Variants in VPS13B observed in about 807,000 individuals in gnomAD.
VPS13B encodes the protein vacuolar protein sorting 13 homolog B.
Under a neutral mutation model 426.4 loss-of-function variants are expected in VPS13B, and 285 were observed. The ratio of observed to expected loss-of-function variants is 0.67; its 90% CI spans 0.61 to 0.74. The LOEUF (loss-of-function observed/expected upper bound fraction) is 0.74. VPS13B is among the 30% of genes least tolerant of loss of function. VPS13B has a pLI of 0.00. For synonymous variants in VPS13B, 1,676 were observed against 1,676.4 expected (o/e 1.00, Z 0.01); for missense variants, 4,537 against 4,782.6 (o/e 0.95, Z 1.51).
intron 30 of VPS13B, chr8:99,527,826 G>T (rs1490151980): frequency 6.6e-6 from 1 of 151,920 alleles, no homozygotes; most frequent in Non-Finnish European, 1.5e-5. Context: ...TTAATAAATT[G>T]TCTGATCCAA....
At chr8:99,797,302 C>T (rs747038267) in intron 43 of VPS13B, among the ~76,000 whole-genome samples, 7 of 151,604 alleles carry the variant, frequency 4.6e-5, no homozygotes, top group Non-Finnish European at 7.4e-5. Flanking sequence ...TGCAGTGGCA[C>T]GTCCACAGCT....
At chr8:99,318,180 C>T (rs1351122246) in intron 19 of VPS13B, among the ~76,000 whole-genome samples, 1 of 152,144 alleles carries the variant, frequency 6.6e-6, no homozygotes, top group East Asian at 1.9e-4. Flanking sequence ...TATAAACAAC[C>T]AAAAGACTAT....
chr8:99,043,561 C>T (rs1414149597), intron 3 of VPS13B, among the ~76,000 whole-genome samples: 3 of 152,116 alleles, frequency 2.0e-5, no homozygotes, highest in East Asian at 1.9e-4. Flanking sequence ...ACAAATATCT[C>T]TTATTTTTTT....
chr8:99,532,411 CTT>C (rs1822979808), intron 30 of VPS13B, among the ~76,000 whole-genome samples: 5 of 152,070 alleles, frequency 3.3e-5, no homozygotes, highest in African/African-American at 9.7e-5. Context: ...TGAAAGACAT[CTT>C]TTATAAGTGA....
At chr8:99,024,291 C>CTCTT (rs1842036487) in intron 2 of VPS13B, among the ~76,000 whole-genome samples, 6 of 152,178 alleles carry the variant, frequency 3.9e-5, no homozygotes, top group African/African-American at 1.4e-4. Flanking sequence ...TGTGTGCATG[C>CTCTT]GCACATGTGT....
chr8:99,110,999 T>A, intron 5 of VPS13B, 99 bp from the exon 6 acceptor site: 2 of 910,602 alleles, frequency 2.2e-6, no homozygotes, highest in South Asian at 2.1e-5. Flanking sequence ...TCTTATTTTC[T>A]GTTATTATTA....
intron 35 of VPS13B, among the ~76,000 whole-genome samples, chr8:99,667,143 T>C (rs1216551085): frequency 6.6e-6 from 1 of 152,172 alleles, no homozygotes; most frequent in African/African-American, 2.4e-5. Flanking sequence ...GGGAGTTTGT[T>C]AAAATGCAAA....
At chr8:99,373,404 A>G (rs938874744) in intron 19 of VPS13B, among the ~76,000 whole-genome samples, 1 of 152,066 alleles carries the variant, frequency 6.6e-6, no homozygotes, top group African/African-American at 2.4e-5. Context: ...TTATTTTAGT[A>G]GTGTATATTG....
At chr8:99,706,023 G>C (rs1832484375) in intron 36 of VPS13B, among the ~76,000 whole-genome samples, 1 of 151,998 alleles carries the variant, frequency 6.6e-6, no homozygotes, top group African/African-American at 2.4e-5. Flanking sequence ...TTTTTCTTCT[G>C]ATTCATCACT....
At chr8:99,517,979 A>G (rs1822177639) in intron 29 of VPS13B, among the ~76,000 whole-genome samples, 1 of 152,016 alleles carries the variant, frequency 6.6e-6, no homozygotes, top group Non-Finnish European at 1.5e-5. Context: ...CTATAATAAA[A>G]TTAATTATTT....
At chr8:99,213,820 CTTT>C (rs11304124) in intron 17 of VPS13B, among the ~76,000 whole-genome samples, 40 of 131,094 alleles carry the variant, frequency 3.1e-4, no homozygotes, top group Non-Finnish European at 3.8e-4. Context: ...TGCTGGATGC[CTTT>C]TTTTTTTTTT....
chr8:99,273,063 C>T (rs76590381), intron 17 of VPS13B, among the ~76,000 whole-genome samples: 9,993 of 152,008 alleles, frequency 0.066, 454 homozygotes, highest in Non-Finnish European at 0.1. Context: ...CTTCTGCTCC[C>T]AAGTATTTTG....
At chr8:99,184,042 A>ACTAC (rs1310875725) in intron 16 of VPS13B, among the ~76,000 whole-genome samples, 2 of 152,240 alleles carry the variant, frequency 1.3e-5, no homozygotes, top group African/African-American at 4.8e-5. Flanking sequence ...CTACCTTGTA[A>ACTAC]CATGTATTAG....
At chr8:99,086,903 C>A (rs1321717910) in intron 3 of VPS13B, among the ~76,000 whole-genome samples, 2 of 152,172 alleles carry the variant, frequency 1.3e-5, no homozygotes, top group East Asian at 3.8e-4. Context: ...ACTCGGGGGT[C>A]AGGGATCCAC....
intron 19 of VPS13B, among the ~76,000 whole-genome samples, chr8:99,279,739 T>C (rs547074249): frequency 4.0e-4 from 61 of 152,206 alleles, no homozygotes; most frequent in African/African-American, 1.4e-3. Context: ...TCTATCAGCT[T>C]AGAATCAAAA....
intron 56 of VPS13B, among the ~76,000 whole-genome samples, chr8:99,858,131 G>C (rs1487379177): frequency 6.6e-6 from 1 of 152,190 alleles, no homozygotes; most frequent in African/African-American, 2.4e-5. Flanking sequence ...ACCCAGTCCT[G>C]TCCCCACAGC....
chr8:99,187,860 C>T (rs939127244), intron 16 of VPS13B, among the ~76,000 whole-genome samples: 4 of 151,860 alleles, frequency 2.6e-5, no homozygotes, highest in Non-Finnish European at 5.9e-5. Context: ...CCCAGTTACT[C>T]GGGTGACTGA....
chr8:99,691,690 C>T (rs1831673624), intron 35 of VPS13B, among the ~76,000 whole-genome samples: 1 of 148,638 alleles, frequency 6.7e-6, no homozygotes, highest in Non-Finnish European at 1.5e-5. Context: ...TCACACATAA[C>T]AATATTAACT....
At chr8:99,747,413 G>A (rs1810148463) in intron 39 of VPS13B, among the ~76,000 whole-genome samples, 1 of 152,038 alleles carries the variant, frequency 6.6e-6, no homozygotes, top group Admixed American at 6.6e-5. Context: ...ATATATAGGT[G>A]AAAAAATTCA....
Sources: allele counts gnomAD v4.1 joint callset (sites outside exome capture counted in the v4.1 genomes callset), GRCh38; gene constraint gnomAD v4.1.1; transcripts MANE v1.5; gene names NCBI Gene and HGNC (gene_info 2026-07-23, HGNC 2026-07-21).